The following REM1 variants were observed in gnomAD, a reference collection of about 807,000 sequenced individuals.
REM1 encodes RRAD and GEM like GTPase 1.
In REM1, 20 loss-of-function variants were observed where a neutral mutation model predicts 27.0. The observed-to-expected ratio is 0.74, with a 90% CI of 0.52 to 1.08. REM1 has a LOEUF of 1.08. Among genes scored for constraint, REM1 ranks in the 50% least tolerant of loss-of-function variants. The pLI, the probability that REM1 is intolerant of heterozygous loss-of-function variation, is 0.00. For missense variants in REM1, 405 were observed against 407.0 expected (o/e 1.00, Z 0.04); for synonymous variants, 159 against 167.9 (o/e 0.95, Z 0.41).
Position 31,475,463 on chromosome 20 carries a change from G to A in REM1, c.-220+97G>A, listed in dbSNP as rs1396899710. ...TTCGGCAGCGTTGGCAGGAATAGGG[G>A]GGCTTCGAAACCGCGTCCCTAGGGT... On this transcript the variant is annotated intron_variant, in intron 1 of 4. Coordinates refer to ENST00000201979, the MANE Select transcript of REM1 (RefSeq NM_014012.6). The surrounding 1 kb of genome is among the most constrained non-coding windows in gnomAD (Gnocchi z 5.0). The A allele has an allele frequency of 1.3e-5, 2 of 152,360 alleles. No homozygotes were observed. The highest frequency in any genetic ancestry group is 1.3e-4 in the Admixed American group (2 of 15,288). 9.4% of individuals were successfully genotyped at this position (152,360 alleles called of 1,614,324 possible).
In REM1 at chr20:31,482,268, T is replaced by C; in HGVS notation, c.424-19T>C. On this transcript the variant is annotated intron_variant, in intron 3 of 4. Transcript: ENST00000201979. The stretch of plus-strand genomic sequence containing the variant: ...CCTAGATACCCTCTGAGGATGGGTC[T>C]TGGGTCCCTCTCCTGCAGGATAAAA... 6.2e-7 allele frequency: 1 copy of C among 1,613,560 alleles called. No individual in the cohort carries two copies. Among genetic ancestry groups the C allele is most frequent in the Non-Finnish European group, 8.5e-7 (1 of 1,179,664 alleles).
Position 31,476,245 on chromosome 20 carries a change from G to T in REM1, c.-201G>T. The stretch of plus-strand genomic sequence containing the variant: ...GATCCAGGTTTATGCAGAGCCTGAG[G>T]CCAGAAAACCTAGGGACTTTCTGCC... On this transcript the variant is annotated 5_prime_UTR_variant, in exon 2 of 5. Coordinates refer to ENST00000201979, the MANE Select transcript of REM1 (RefSeq NM_014012.6). The T allele has an allele frequency of 1.8e-6, 1 of 557,304 alleles. No homozygotes were observed. Among genetic ancestry groups the T allele is most frequent in the Non-Finnish European group, 3.2e-6 (1 of 317,392 alleles). 34.5% of individuals were successfully genotyped at this position (557,304 alleles called of 1,614,324 possible). A position where few individuals can be genotyped will look rare whatever the true frequency, so the allele number is the denominator to read the frequency against.
intron 4 of REM1, among the ~76,000 whole-genome samples, chr20:31,483,349 C>T (rs1352943742): frequency 6.6e-6 from 1 of 152,124 alleles, no homozygotes; most frequent in Non-Finnish European, 1.5e-5. Flanking sequence ...TAATCAGAGA[C>T]ACTTTATCCA....
At chr20:31,480,475 C>G (rs190070398) in intron 3 of REM1, among the ~76,000 whole-genome samples, 2 of 152,202 alleles carry the variant, frequency 1.3e-5, no homozygotes, top group East Asian at 3.9e-4. Context: ...AGGCACCCAC[C>G]ACCACGCCCA....
At chr20:31,481,995 G>A (rs1265864626) in intron 3 of REM1, among the ~76,000 whole-genome samples, 1 of 152,184 alleles carries the variant, frequency 6.6e-6, no homozygotes, top group Non-Finnish European at 1.5e-5. Flanking sequence ...AGCAGGAACA[G>A]GAACCAAGTA....
Position 31,475,850 on chromosome 20 carries a change from A to G in REM1, c.-219-377A>G, listed in dbSNP as rs1257972083. ...CCCCATACCCCCCTCGCGCTTCTGG[A>G]GTGCCAACCCGCCCTCCTGCCTCTT... is the stretch of plus-strand genomic sequence containing the variant. On this transcript the variant is annotated intron_variant, in intron 1 of 4. Coordinates refer to ENST00000201979, the MANE Select transcript of REM1 (RefSeq NM_014012.6). The surrounding 1 kb of genome is among the most constrained non-coding windows in gnomAD (Gnocchi z 5.0). Among the ~76,000 whole-genome samples the G allele has an allele frequency of 6.6e-6, 1 of 152,102 alleles. No individual in the cohort carries two copies. The highest frequency in any genetic ancestry group is 2.4e-5 in the African/African-American group (1 of 41,430).
At chr20:31,484,075 T>C (rs1980824816) in intron 4 of REM1, 84 bp from the exon 5 acceptor site, 1 of 1,407,526 alleles carries the variant, frequency 7.1e-7, no homozygotes, top group African/African-American at 1.5e-5. Flanking sequence ...TTGCTTCCAA[T>C]CGAGACTAAA....
intron 1 of REM1, 53 bp from the exon 2 acceptor site, chr20:31,476,174 T>C: frequency 2.1e-6 from 1 of 470,670 alleles, no homozygotes; most frequent in Non-Finnish European, 3.7e-6. Flanking sequence ...CCTCTGGGTG[T>C]GCATGTCTGT....
chr20:31,481,715 T>C (rs1980741438), intron 3 of REM1, among the ~76,000 whole-genome samples: 1 of 152,176 alleles, frequency 6.6e-6, no homozygotes, highest in Non-Finnish European at 1.5e-5. Flanking sequence ...TTTTTCTTGG[T>C]CAAACAACTT....
At chr20:31,481,377 G>A (rs543046657) in intron 3 of REM1, among the ~76,000 whole-genome samples, 5 of 152,018 alleles carry the variant, frequency 3.3e-5, no homozygotes, top group African/African-American at 1.2e-4. Context: ...CCTTTGTCTG[G>A]AATCTCTTCC....
chr20:31,476,467 G>A lies in REM1; in HGVS notation c.22G>A (p.Glu8Lys), dbSNP rs1980504135. The change falls in exon 2 of 5, where the codon GAA becomes AAA. Residue 8 changes from glutamate to lysine, a missense_variant. By Grantham distance (56) the Glu-to-Lys change is moderately conservative (BLOSUM62 1). Transcript: ENST00000201979. ...AAAGATGACACTCAACACCGAGCAGGAAGCAAAGACCCCTCTGCACCGGCG... is the reference window on the plus strand; with the variant it reads ...AAAGATGACACTCAACACCGAGCAGAAAGCAAAGACCCCTCTGCACCGGCG... MTLNTEQ[E>K]AKTPLHRRAS... is the part of the protein sequence containing the mutation. The A allele has an allele frequency of 6.3e-7, 1 of 1,595,986 alleles. No homozygotes were observed. Among genetic ancestry groups the A allele is most frequent in the Middle Eastern group, 1.7e-4 (1 of 5,944 alleles).
intron 3 of REM1, 71 bp downstream of exon 3, chr20:31,477,981 C>A: frequency 1.1e-6 from 1 of 925,664 alleles, no homozygotes; most frequent in East Asian, 2.5e-5. Context: ...CTGTCCCCTC[C>A]TGGGGACACT....
rs1980830700 is a variant in REM1, at chr20:31,484,151, C to T, written c.626-8C>T. ...TCCACCCCTCCTCGCCGGGCCCCGC[C>T]CCCTTAGAGGGCCGCGCCTGCGCTG... On this transcript the variant is annotated splice_region_variant and splice_polypyrimidine_tract_variant and intron_variant, in intron 4 of 4. Transcript: ENST00000201979. 5.1e-6 allele frequency: 8 copies of T among 1,566,294 alleles called. No individual in the cohort carries two copies. The highest frequency in any genetic ancestry group is 6.9e-6 in the Non-Finnish European group (8 of 1,153,228).
At position 31,476,804 on chromosome 20, in the gene REM1, G is replaced by A. The variant is rs746217341; in HGVS notation, c.340+19G>A. The A allele has an allele frequency of 6.4e-7, 1 of 1,574,458 alleles. No homozygotes were observed. The highest frequency in any genetic ancestry group is 1.9e-5 in the Admixed American group (1 of 53,704). On this transcript the variant is annotated intron_variant, in intron 2 of 4. Transcript: ENST00000201979. ...CTGGGAGGTAGGGGCCATATGGGCTGGGCTGGGATGTGGCCAAAGGAGCGA... is the reference window on the plus strand; with the variant it reads ...CTGGGAGGTAGGGGCCATATGGGCTAGGCTGGGATGTGGCCAAAGGAGCGA...
chr20:31,484,382 G>A lies in REM1; in HGVS notation c.849G>A (p.Arg283=), dbSNP rs1322888250. The change falls in exon 5 of 5, where the codon CGG becomes CGA. Residue 283 remains arginine (R), a synonymous_variant. Transcript: ENST00000201979. ...TGACAGCCCGCAGCGCACGCCGCCGGGCACTCAAGGCCCGCTCCAAGTCCT... is the reference window on the plus strand; with the variant it reads ...TGACAGCCCGCAGCGCACGCCGCCGAGCACTCAAGGCCCGCTCCAAGTCCT... The part of the protein sequence containing the change: ...ARLTARSARR[R]ALKARSKSCH... 2 of 1,553,030 alleles carry A rather than the reference G, an allele frequency of 1.3e-6. No homozygotes were observed. Among genetic ancestry groups the A allele is most frequent in the Admixed American group, 1.9e-5 (1 of 51,944 alleles).
In REM1 at chr20:31,476,674, TG is replaced by T. The variant is rs779397832; in HGVS notation, c.232del (p.Glu78ArgfsTer187). 169 of 1,614,016 alleles carry T rather than the reference TG, an allele frequency of 1.0e-4. No individual in the cohort carries two copies. The highest frequency in any genetic ancestry group is 4.5e-4 in the Admixed American group (27 of 59,994). ...TGAATCCAGCGACTCTGAAGGCTCC[TG>T]GGAGGCTCTCTACCGTGTGGTGCTA... Reference protein sequence around the residue: ...SSESSDSEGSWEALYRVVLLG... With the variant: ...SSESSDSEGSXEALYRVVLLG... On this transcript the variant is annotated frameshift_variant, in exon 2 of 5. Coordinates refer to ENST00000201979, the MANE Select transcript of REM1 (RefSeq NM_014012.6). LOFTEE classifies it high-confidence loss of function.
rs1980530295 is a variant in REM1, at chr20:31,476,800, G to C, written c.340+15G>C. 4 of 1,587,320 alleles carry C rather than the reference G, an allele frequency of 2.5e-6. No individual in the cohort carries two copies. Among genetic ancestry groups the C allele is most frequent in the Non-Finnish European group, 3.4e-6 (4 of 1,167,524 alleles). ...ACAGCTGGGAGGTAGGGGCCATATGGGCTGGGCTGGGATGTGGCCAAAGGA... is the reference window on the plus strand; with the variant it reads ...ACAGCTGGGAGGTAGGGGCCATATGCGCTGGGCTGGGATGTGGCCAAAGGA... On this transcript the variant is annotated intron_variant, in intron 2 of 4. Coordinates refer to ENST00000201979, the MANE Select transcript of REM1 (RefSeq NM_014012.6).
At chr20:31,479,903 A>C (rs1361491358) in intron 3 of REM1, among the ~76,000 whole-genome samples, 1 of 152,116 alleles carries the variant, frequency 6.6e-6, no homozygotes, top group Admixed American at 6.6e-5. Context: ...CAGCCTGACC[A>C]ACATGGAGAA....
At chr20:31,481,183 G>A (rs942310017) in intron 3 of REM1, among the ~76,000 whole-genome samples, 1 of 152,134 alleles carries the variant, frequency 6.6e-6, no homozygotes, top group Non-Finnish European at 1.5e-5. Flanking sequence ...CGAGGCAGGA[G>A]AATCACTTGA....
Sources: gnomAD v4.1 joint callset for allele counts (sites outside exome capture counted in the v4.1 genomes callset) on GRCh38, gnomAD v4.1.1 for gene constraint, Gnocchi (gnomAD v3.1) non-coding constraint, MANE v1.5 for transcripts, NCBI Gene and HGNC (gene_info 2026-07-23, HGNC 2026-07-21) for gene names.